The following CCSER1 variants were observed in gnomAD, a reference collection of about 807,000 sequenced individuals.
CCSER1 encodes coiled-coil serine rich protein 1.
A neutral mutation model predicts 82.0 loss-of-function variants in CCSER1; 41 were observed. The observed-to-expected ratio is 0.50, with a 90% confidence interval of 0.39 to 0.65. The LOEUF is 0.65. Ranked by LOEUF, CCSER1 falls within the 30% of genes least tolerant of loss-of-function variation. The probability of loss-of-function intolerance (pLI) is 0.00; values close to 1 mark genes in which losing one functional copy is unlikely to be tolerated. For synonymous variants in CCSER1, 414 were observed against 383.9 expected (o/e 1.08, Z -0.92); for missense variants, 1,119 against 1,064.2 (o/e 1.05, Z -0.72).
At chr4:90,743,634 C>G (rs959613910) in intron 7 of CCSER1, among the ~76,000 whole-genome samples, 2 of 152,158 alleles carry the variant, frequency 1.3e-5, no homozygotes, top group African/African-American at 4.8e-5. Context: ...ACAAGAAAGA[C>G]TTCGGCAGCC....
chr4:90,419,535 C>G (rs1006638245), intron 4 of CCSER1, among the ~76,000 whole-genome samples: 1 of 151,806 alleles, frequency 6.6e-6, no homozygotes, highest in Admixed American at 6.6e-5. Flanking sequence ...AACTGTTTTT[C>G]TAGACCTTGA....
At chr4:91,121,137 A>C (rs1405295742) in intron 10 of CCSER1, among the ~76,000 whole-genome samples, 1 of 148,520 alleles carries the variant, frequency 6.7e-6, no homozygotes, top group Non-Finnish European at 1.5e-5. Context: ...TTTTTTTCTC[A>C]TGTGGGGATT....
chr4:90,562,774 G>T (rs1363114528), intron 5 of CCSER1, among the ~76,000 whole-genome samples: 1 of 150,478 alleles, frequency 6.6e-6, no homozygotes, highest in African/African-American at 2.4e-5. Flanking sequence ...TTGGACTCAA[G>T]CAGTCCTCCT....
rs139927151 is a variant in CCSER1, at chr4:90,768,263, C to T, written c.2010+44272C>T. ...AGGTTTTCTGAAGCCTGCCAACGAC[C>T]TTGTGAGTAAGTAGATGCAATCTTT... is the stretch of plus-strand genomic sequence containing the variant. On this transcript the variant is annotated intron_variant, in intron 7 of 10. Transcript: ENST00000509176. Among the ~76,000 whole-genome samples, 8 of 152,172 alleles carry T rather than the reference C, an allele frequency of 5.3e-5. No individual in the cohort carries two copies. The East Asian group carries it at 1.4e-3, about 26-fold the overall frequency.
chr4:90,499,564 A>G (rs1030663998), intron 5 of CCSER1, among the ~76,000 whole-genome samples: 1 of 152,074 alleles, frequency 6.6e-6, no homozygotes, highest in African/African-American at 2.4e-5. Context: ...GAATTACTCA[A>G]TGGTTTTGTT....
intron 5 of CCSER1, among the ~76,000 whole-genome samples, chr4:90,474,787 G>A (rs536068451): frequency 9.2e-5 from 14 of 152,092 alleles, no homozygotes; most frequent in Non-Finnish European, 1.8e-4. Flanking sequence ...TGTGAAAAGA[G>A]AACTGTGTCA....
chr4:90,353,409 A>G (rs1008633140), intron 3 of CCSER1, among the ~76,000 whole-genome samples: 1 of 152,154 alleles, frequency 6.6e-6, no homozygotes, highest in Non-Finnish European at 1.5e-5. Flanking sequence ...TAGTCACTCA[A>G]GAAGTTTTCA....
intron 10 of CCSER1, among the ~76,000 whole-genome samples, chr4:91,377,039 G>A (rs1006355796): frequency 3.3e-5 from 5 of 152,136 alleles, no homozygotes; most frequent in Admixed American, 3.3e-4. Flanking sequence ...TGAGAATGAC[G>A]GTTTCCAGCT....
chr4:91,080,727 A>C (rs1697465720), intron 9 of CCSER1, among the ~76,000 whole-genome samples: 1 of 152,180 alleles, frequency 6.6e-6, no homozygotes, highest in African/African-American at 2.4e-5. Flanking sequence ...AAAAATGATA[A>C]AGGGGATATC....
chr4:90,811,981 T>TAAACACACACACACACAC (rs1405587441), intron 7 of CCSER1, among the ~76,000 whole-genome samples: 176 of 124,252 alleles, frequency 1.4e-3, no homozygotes, highest in African/African-American at 5.4e-3. Context: ...TATATATATA[T>TAAACACACACACACACAC]ATATATATAA....
chr4:90,361,817 C>T (rs1745443309), intron 3 of CCSER1, among the ~76,000 whole-genome samples: 3 of 152,226 alleles, frequency 2.0e-5, no homozygotes, highest in African/African-American at 7.2e-5. Context: ...AGACAGTTCT[C>T]TGTGAGTCTC....
At chr4:90,314,734 G>A (rs1735866679) in intron 3 of CCSER1, among the ~76,000 whole-genome samples, 2 of 150,376 alleles carry the variant, frequency 1.3e-5, no homozygotes, top group Admixed American at 1.3e-4. Context: ...GGGCAACAGA[G>A]CAAGACCTGG....
At chr4:90,714,631 T>C (rs1741292882) in intron 6 of CCSER1, among the ~76,000 whole-genome samples, 1 of 152,110 alleles carries the variant, frequency 6.6e-6, no homozygotes, top group South Asian at 2.1e-4. Context: ...CAAGTATCTA[T>C]ATAGCACCTT....
intron 6 of CCSER1, among the ~76,000 whole-genome samples, chr4:90,709,713 T>C (rs1424279666): frequency 6.6e-6 from 1 of 152,210 alleles, no homozygotes; most frequent in East Asian, 1.9e-4. Context: ...ATTCCATGTC[T>C]TTGCTATTGT....
intron 1 of CCSER1, among the ~76,000 whole-genome samples, chr4:90,304,201 A>T (rs367888445): frequency 6.6e-6 from 1 of 152,180 alleles, no homozygotes; most frequent in African/African-American, 2.4e-5. Flanking sequence ...CTGTTGGTGG[A>T]ACTGTAAACT....
chr4:90,377,930 T>C (rs1236505283), intron 3 of CCSER1, among the ~76,000 whole-genome samples: 3 of 152,136 alleles, frequency 2.0e-5, no homozygotes, highest in African/African-American at 7.2e-5. Context: ...AATAGTGTCA[T>C]TGTCTTTTGT....
rs142440641 is a variant in CCSER1 at position 90,645,350 on chromosome 4, T to C, written c.1932+17118T>C. On this transcript the variant is annotated intron_variant, in intron 6 of 10. Transcript: ENST00000509176. ...AACAGAGATGTGTTGTAAGTGCTTT[T>C]CTTGCAAGGAATTCTGTGTTATAGT... Among the ~76,000 whole-genome samples, 1,000 of 152,312 alleles carry C rather than the reference T, an allele frequency of 6.6e-3. 9 individuals are homozygous for C. Among genetic ancestry groups the C allele is most frequent in the African/African-American group, 0.023 (956 of 41,576 alleles).
chr4:91,051,728 G>A (rs1743020106), intron 9 of CCSER1, among the ~76,000 whole-genome samples: 1 of 152,070 alleles, frequency 6.6e-6, no homozygotes, highest in South Asian at 2.1e-4. Context: ...TTTTCAAAGA[G>A]ATTCCTGTGC....
chr4:91,301,566 T>C (rs922445857), intron 10 of CCSER1, among the ~76,000 whole-genome samples: 18 of 150,734 alleles, frequency 1.2e-4, no homozygotes, highest in African/African-American at 4.1e-4. Context: ...ATGTACAAAA[T>C]AGAACAGAGG....
Sources: gnomAD v4.1 joint callset for allele counts (sites outside exome capture counted in the v4.1 genomes callset) on GRCh38, gnomAD v4.1.1 for gene constraint, MANE v1.5 for transcripts, NCBI Gene and HGNC (gene_info 2026-07-23, HGNC 2026-07-21) for gene names.